Variants in VIRMA observed in about 807,000 individuals in gnomAD.
VIRMA encodes protein virilizer homolog.
Under a neutral mutation model 182.4 loss-of-function variants are expected in VIRMA, and 65 were observed. The observed-to-expected ratio is 0.36, with a 90% CI of 0.29 to 0.44. The LOEUF is 0.44. Among genes scored for constraint, VIRMA ranks in the 20% least tolerant of loss-of-function variants. The pLI is 1.00. For synonymous variants in VIRMA, 709 were observed against 743.1 expected (o/e 0.95, Z 0.75); for missense variants, 1,752 against 2,158.1 (o/e 0.81, Z 3.73).
chr8:94,493,503 A>C (rs996084774), intron 20 of VIRMA, among the ~76,000 whole-genome samples: 1 of 152,206 alleles, frequency 6.6e-6, no homozygotes, highest in African/African-American at 2.4e-5. Context: ...TCAAAATAAA[A>C]TTCAGTTCCC....
At chr8:94,515,428 A>G (rs1814529987) in intron 10 of VIRMA, among the ~76,000 whole-genome samples, 1 of 152,004 alleles carries the variant, frequency 6.6e-6, no homozygotes, top group African/African-American at 2.4e-5. Flanking sequence ...CTGAAGTGCA[A>G]CAGTGTGATC....
chr8:94,509,674 A>G lies in VIRMA; in HGVS notation c.3879+14T>C, dbSNP rs570217297. The G allele has an allele frequency of 6.3e-7, 1 of 1,598,694 alleles. No individual in the cohort carries two copies. The highest frequency in any genetic ancestry group is 1.8e-5 in the Admixed American group (1 of 56,940). The stretch of plus-strand genomic sequence containing the variant: ...CACATGCAGAGAGAGACTTTATAAA[A>G]TAACTATAAATACCTGATCACAGAG... On this transcript the variant is annotated intron_variant, in intron 15 of 23. Transcript: ENST00000297591.
At chr8:94,535,481 T>C (rs1174289740) in intron 4 of VIRMA, among the ~76,000 whole-genome samples, 1 of 152,168 alleles carries the variant, frequency 6.6e-6, no homozygotes, top group Non-Finnish European at 1.5e-5. Context: ...ACCCACATTG[T>C]ACATTAAAAA....
chr8:94,548,771 T>C (rs991454040), intron 1 of VIRMA, among the ~76,000 whole-genome samples: 1 of 152,166 alleles, frequency 6.6e-6, no homozygotes, highest in Non-Finnish European at 1.5e-5. Context: ...TTCTCCTACC[T>C]CAGCCTCCTG....
intron 6 of VIRMA, 29 bp downstream of exon 6, chr8:94,530,934 G>A (rs1815151084): frequency 5.0e-6 from 8 of 1,590,142 alleles, no homozygotes; most frequent in African/African-American, 2.7e-5. Context: ...AACTAGGGGG[G>A]AAAACCTTAG....
chr8:94,509,667 T>C (rs1257162890), intron 15 of VIRMA, 21 bp downstream of exon 15: 1 of 1,595,068 alleles, frequency 6.3e-7, no homozygotes, highest in East Asian at 2.2e-5. Flanking sequence ...GAGAGAGACT[T>C]TATAAAATAA....
chr8:94,494,192 C>T (rs909135722), intron 20 of VIRMA, among the ~76,000 whole-genome samples: 3 of 152,124 alleles, frequency 2.0e-5, no homozygotes, highest in East Asian at 1.9e-4. Flanking sequence ...TGGTGGCTCA[C>T]GCCTGTAATC....
chr8:94,524,864 C>A (rs1340534822), intron 8 of VIRMA, among the ~76,000 whole-genome samples: 1 of 152,342 alleles, frequency 6.6e-6, no homozygotes, highest in African/African-American at 2.4e-5. Flanking sequence ...CACAGTATCA[C>A]AACAAACCAT....
At chr8:94,532,354 G>C (rs1037959855) in intron 5 of VIRMA, among the ~76,000 whole-genome samples, 1 of 152,144 alleles carries the variant, frequency 6.6e-6, no homozygotes, top group East Asian at 1.9e-4. Context: ...TGATCTGCCC[G>C]CCTCGGCCTC....
At chr8:94,502,514 A>G (rs1814026430) in intron 16 of VIRMA, among the ~76,000 whole-genome samples, 2 of 151,978 alleles carry the variant, frequency 1.3e-5, no homozygotes, top group Non-Finnish European at 2.9e-5. Flanking sequence ...TAAAATGTAA[A>G]AAGAAAGTAA....
intron 20 of VIRMA, among the ~76,000 whole-genome samples, chr8:94,493,096 AT>A (rs1813658934): frequency 6.6e-6 from 1 of 152,196 alleles, no homozygotes; most frequent in Non-Finnish European, 1.5e-5. Flanking sequence ...GAAACTCAGT[AT>A]TTGTCTATAT....
intron 6 of VIRMA, 113 bp downstream of exon 6, chr8:94,530,850 T>A: frequency 7.9e-6 from 9 of 1,146,304 alleles, no homozygotes; most frequent in Non-Finnish European, 1.1e-5. Context: ...TGGTCAAGAC[T>A]GCAGTGAGCC....
chr8:94,492,864 T>C, intron 20 of VIRMA, 46 bp from the exon 21 acceptor site: 1 of 1,440,248 alleles, frequency 6.9e-7, no homozygotes, highest in Non-Finnish European at 9.6e-7. Flanking sequence ...ATGTAATTAT[T>C]AGCATAACAT....
intron 16 of VIRMA, among the ~76,000 whole-genome samples, chr8:94,500,299 T>C (rs1813927164): frequency 6.6e-6 from 1 of 152,080 alleles, no homozygotes; most frequent in Non-Finnish European, 1.5e-5. Flanking sequence ...CTGGGGAGGC[T>C]GAGGCAGGAG....
rs1427381758 is a variant in VIRMA at position 94,487,900 on chromosome 8, T to C, written c.*806A>G. On this transcript the variant is annotated 3_prime_UTR_variant, in exon 24 of 24. Transcript: ENST00000297591. ...TTAAATAATTTGTATAATAAAATAG[T>C]GTCAGTAGGTCCAAAGCTGAAATGC... The C allele has an allele frequency of 1.3e-5, 2 of 152,228 alleles. No individual in the cohort carries two copies. The highest frequency in any genetic ancestry group is 6.5e-5 in the Admixed American group (1 of 15,278). 9.4% of individuals were successfully genotyped at this position (152,228 alleles called of 1,614,324 possible).
intron 11 of VIRMA, among the ~76,000 whole-genome samples, chr8:94,514,094 C>A (rs1257802826): frequency 1.3e-5 from 2 of 151,970 alleles, no homozygotes; most frequent in Non-Finnish European, 2.9e-5. Context: ...CTCTCTCACA[C>A]ACACACACGC....
At chr8:94,510,960 A>C in intron 13 of VIRMA, 1 of 1,342,842 alleles carries the variant, frequency 7.4e-7, no homozygotes, top group Non-Finnish European at 9.7e-7. Context: ...ACAAACATAC[A>C]TAACAGCAAA....
Position 94,488,494 on chromosome 8 carries a change from C to A in VIRMA, c.*212G>T, listed in dbSNP as rs1319045416. 2.4e-6 allele frequency: 1 copy of A among 424,750 alleles called. No individual in the cohort carries two copies. The highest frequency in any genetic ancestry group is 6.2e-5 in the South Asian group (1 of 16,096). 26.3% of individuals were successfully genotyped at this position (424,750 alleles called of 1,614,324 possible). ...GAAATTTTCTAAATAAATAGTCATA[C>A]AAAAAAGGGAAAATATATACAAACG... On this transcript the variant is annotated 3_prime_UTR_variant, in exon 24 of 24. Transcript: ENST00000297591.
chr8:94,489,807 G>A (rs1813553702), intron 23 of VIRMA, 132 bp downstream of exon 23: 1 of 964,218 alleles, frequency 1.0e-6, no homozygotes, highest in East Asian at 2.5e-5. Context: ...GTTATACTTA[G>A]ATTTTTGACT....
Sources: allele counts gnomAD v4.1 joint callset (sites outside exome capture counted in the v4.1 genomes callset), GRCh38; gene constraint gnomAD v4.1.1; transcripts MANE v1.5; gene names NCBI Gene and HGNC (gene_info 2026-07-23, HGNC 2026-07-21).